The following NIPAL2 variants were observed in gnomAD, a reference collection of about 807,000 sequenced individuals.
The protein encoded by NIPAL2 is NIPA-like protein 2.
NIPAL2 carries 43 observed loss-of-function variants against 48.9 expected under a neutral mutation model. The observed-to-expected ratio is 0.88, with a 90% CI of 0.69 to 1.13. The LOEUF is 1.13. Among genes scored for constraint, NIPAL2 ranks in the 50% most tolerant of loss-of-function variants. The pLI, the probability that NIPAL2 is intolerant of heterozygous loss-of-function variation, is 0.00. For missense variants in NIPAL2, 446 were observed against 461.4 expected, an observed-to-expected ratio of 0.97 and a Z score of 0.31; for synonymous variants, 167 against 174.6, an observed-to-expected ratio of 0.96 and a Z score of 0.34.
intron 4 of NIPAL2, among the ~76,000 whole-genome samples, chr8:98,224,869 C>T (rs1174968527): frequency 6.6e-6 from 1 of 150,574 alleles, no homozygotes; most frequent in Non-Finnish European, 1.5e-5. Context: ...AGTGATCCTC[C>T]TCTTAGCCTC....
intron 3 of NIPAL2, among the ~76,000 whole-genome samples, chr8:98,244,977 A>G (rs944707597): frequency 6.6e-6 from 1 of 152,230 alleles, no homozygotes; most frequent in African/African-American, 2.4e-5. Context: ...AAGAGAAACC[A>G]GGATGTATAT....
chr8:98,264,783 T>C (rs1182920684), intron 1 of NIPAL2, among the ~76,000 whole-genome samples: 1 of 152,092 alleles, frequency 6.6e-6, no homozygotes, highest in African/African-American at 2.4e-5. Flanking sequence ...AAAACTACTT[T>C]AAAGTTCATA....
Position 98,275,341 on chromosome 8 carries a change from G to A in NIPAL2, c.135+18662C>T, listed in dbSNP as rs571684487. ...ATTTCTATGTTATTTCAAAAATATT[G>A]TTACATACCTAGAATCTAGAAGTAT... On this transcript the variant is annotated intron_variant, in intron 1 of 10. Transcript: ENST00000430223. 1.4e-4 allele frequency among the ~76,000 whole-genome samples: 21 copies of A among 152,146 alleles called. No individual in the cohort carries two copies. In the South Asian group the frequency reaches 4.1e-3, roughly 30 times the overall value.
At chr8:98,277,378 A>G (rs1034137647) in intron 1 of NIPAL2, among the ~76,000 whole-genome samples, 2 of 152,106 alleles carry the variant, frequency 1.3e-5, no homozygotes, top group Admixed American at 1.3e-4. Flanking sequence ...TTAATAAAAA[A>G]TACAAAAAAT....
At chr8:98,237,629 T>G (rs574733853) in intron 3 of NIPAL2, among the ~76,000 whole-genome samples, 2 of 152,326 alleles carry the variant, frequency 1.3e-5, no homozygotes, top group East Asian at 3.9e-4. Context: ...TTGCTTCTGA[T>G]GCTTTGGTCA....
At chr8:98,198,529 C>T (rs943113592) in intron 8 of NIPAL2, among the ~76,000 whole-genome samples, 1 of 152,230 alleles carries the variant, frequency 6.6e-6, no homozygotes, top group African/African-American at 2.4e-5. Context: ...GTGTCTTCTT[C>T]TAATAGAAGG....
intron 3 of NIPAL2, among the ~76,000 whole-genome samples, chr8:98,237,892 G>T (rs62524189): frequency 6.6e-6 from 1 of 152,098 alleles, no homozygotes; most frequent in African/African-American, 2.4e-5. Context: ...TGTCTTCCCC[G>T]AAAGACCATC....
intron 1 of NIPAL2, among the ~76,000 whole-genome samples, chr8:98,266,657 G>T (rs1166956751): frequency 6.6e-6 from 1 of 151,910 alleles, no homozygotes; most frequent in African/African-American, 2.4e-5. Context: ...CAAGCGGATG[G>T]GCTGATCAAA....
intron 3 of NIPAL2, among the ~76,000 whole-genome samples, chr8:98,250,583 C>T (rs1349895176): frequency 6.6e-6 from 1 of 152,210 alleles, no homozygotes; most frequent in Non-Finnish European, 1.5e-5. Context: ...TGTAAGTTCA[C>T]ATCTTTGAAT....
chr8:98,218,350 C>T (rs1811674889), intron 5 of NIPAL2, among the ~76,000 whole-genome samples: 1 of 152,150 alleles, frequency 6.6e-6, no homozygotes, highest in Non-Finnish European at 1.5e-5. Flanking sequence ...GATTAGAACT[C>T]CTTCTAGTGC....
intron 3 of NIPAL2, among the ~76,000 whole-genome samples, chr8:98,240,970 G>A (rs1477689735): frequency 2.0e-5 from 3 of 152,310 alleles, no homozygotes; most frequent in South Asian, 4.2e-4. Context: ...TTTGTGCTTC[G>A]TCCTTTCTAA....
intron 1 of NIPAL2, among the ~76,000 whole-genome samples, chr8:98,288,638 C>T (rs1816327610): frequency 6.6e-6 from 1 of 150,596 alleles, no homozygotes; most frequent in Non-Finnish European, 1.5e-5. Flanking sequence ...AATGGTTGAA[C>T]TAGTTTACAG....
At chr8:98,278,228 G>C (rs1441995988) in intron 1 of NIPAL2, among the ~76,000 whole-genome samples, 1 of 143,196 alleles carries the variant, frequency 7.0e-6, no homozygotes. Context: ...ATGGTTTTTT[G>C]TTTGTTTGTT....
intron 6 of NIPAL2, among the ~76,000 whole-genome samples, chr8:98,206,196 A>G (rs940217224): frequency 1.1e-4 from 17 of 152,324 alleles, no homozygotes; most frequent in African/African-American, 3.8e-4. Flanking sequence ...TAAAAAAACT[A>G]TAAGTCAAAG....
At chr8:98,205,895 G>A (rs1286272272) in intron 6 of NIPAL2, among the ~76,000 whole-genome samples, 1 of 152,120 alleles carries the variant, frequency 6.6e-6, no homozygotes, top group African/African-American at 2.4e-5. Context: ...TTCTCAGGGT[G>A]GACCATCAAT....
intron 1 of NIPAL2, among the ~76,000 whole-genome samples, chr8:98,255,364 G>A (rs1280254517): frequency 6.6e-6 from 1 of 152,122 alleles, no homozygotes; most frequent in Admixed American, 6.5e-5. Context: ...ATAACTTCTA[G>A]CTAGCTTCAA....
intron 4 of NIPAL2, among the ~76,000 whole-genome samples, chr8:98,224,880 C>T (rs1812082456): frequency 6.6e-6 from 1 of 151,166 alleles, no homozygotes. Flanking sequence ...TCTTAGCCTC[C>T]CGAGTAGCTG....
intron 1 of NIPAL2, among the ~76,000 whole-genome samples, chr8:98,269,809 C>A (rs551867420): frequency 3.3e-4 from 50 of 152,174 alleles, no homozygotes; most frequent in African/African-American, 1.1e-3. Context: ...GAATATAGTA[C>A]TCAATAGGCA....
chr8:98,283,569 A>T (rs1181103954), intron 1 of NIPAL2, among the ~76,000 whole-genome samples: 1 of 152,204 alleles, frequency 6.6e-6, no homozygotes, highest in Non-Finnish European at 1.5e-5. Context: ...TTATTATAAT[A>T]GTTTTAACAA....
Sources: allele counts gnomAD v4.1 joint callset (sites outside exome capture counted in the v4.1 genomes callset), GRCh38; gene constraint gnomAD v4.1.1; transcripts MANE v1.5; gene names NCBI Gene and HGNC (gene_info 2026-07-23, HGNC 2026-07-21).